ALDH5A1: variants seen among roughly 807,000 people sequenced by gnomAD.
ALDH5A1 encodes the protein succinate-semialdehyde dehydrogenase, mitochondrial.
A neutral mutation model predicts 54.7 loss-of-function variants in ALDH5A1; 33 were observed. The ratio of observed to expected loss-of-function variants is 0.60; its 90% CI spans 0.46 to 0.81. The LOEUF is 0.81. Ranked by LOEUF, ALDH5A1 falls within the 30% of genes least tolerant of loss-of-function variation. The pLI is 0.00. For missense variants in ALDH5A1, 657 were observed against 711.0 expected, an observed-to-expected ratio of 0.92 and a Z score of 0.86; for synonymous variants, 294 against 292.7, an observed-to-expected ratio of 1.00 and a Z score of -0.05.
In ALDH5A1 at chr6:24,505,003, T is replaced by C; in HGVS notation, c.726+18T>C. On this transcript the variant is annotated intron_variant, in intron 4 of 9. Transcript: ENST00000357578. ...TGGCTGAGGTGAGCCGCTCTCCCTG[T>C]GTTTGTACAAAGCAGACAAAGTTCA... is the stretch of plus-strand genomic sequence containing the variant. 6.2e-7 allele frequency: 1 copy of C among 1,611,332 alleles called. No homozygotes were observed. The highest frequency in any genetic ancestry group is 8.5e-7 in the Non-Finnish European group (1 of 1,177,482).
At chr6:24,499,442 T>C (rs936164053) in intron 1 of ALDH5A1, among the ~76,000 whole-genome samples, 1 of 149,956 alleles carries the variant, frequency 6.7e-6, no homozygotes, top group African/African-American at 2.5e-5. Context: ...TTTTAAGTGG[T>C]TTTATGTGAA....
intron 1 of ALDH5A1, among the ~76,000 whole-genome samples, chr6:24,497,289 G>A (rs1224480392): frequency 6.6e-6 from 1 of 152,086 alleles, no homozygotes; most frequent in Non-Finnish European, 1.5e-5. Flanking sequence ...TCCTCCCTGC[G>A]ATTGGCTACT....
At position 24,533,684 on chromosome 6, in the gene ALDH5A1, T is replaced by C. The variant is rs1467346651; in HGVS notation, c.1580T>C (p.Leu527Pro). 1 of 1,614,100 alleles carries C rather than the reference T, an allele frequency of 6.2e-7. No individual in the cohort carries two copies. The highest frequency in any genetic ancestry group is 1.1e-5 in the South Asian group (1 of 91,070). ...SKYGIDEYLE[L>P]KYVCYGGL is the part of the protein sequence containing the mutation. ...TATGGCATTGATGAGTATCTGGAAC[T>C]CAAGTATGTGTGTTACGGGGGCTTG... is the stretch of plus-strand genomic sequence containing the variant. Residue 527 changes from leucine (L) to proline (P), a missense_variant, in exon 10 of 10, where the codon CTC (leucine) becomes CCC (proline). Coordinates refer to ENST00000357578, the MANE Select transcript of ALDH5A1 (RefSeq NM_001080.3).
rs537927919 is a variant in ALDH5A1, at chr6:24,524,973, A to T, written c.1173+2048A>T. 3.0e-4 allele frequency among the ~76,000 whole-genome samples: 45 copies of T among 152,314 alleles called. 1 individual carries two copies. The South Asian group carries it at 3.5e-3, about 12-fold the overall frequency. Reference sequence around the variant, plus strand: ...CTCTGTCTTGAAGATTTTTTTCCCCAAAGGGAAGACGCAGACATTGTCCTC... The same window carrying T: ...CTCTGTCTTGAAGATTTTTTTCCCCTAAGGGAAGACGCAGACATTGTCCTC... On this transcript the variant is annotated intron_variant, in intron 7 of 9. Coordinates refer to ENST00000357578, the MANE Select transcript of ALDH5A1 (RefSeq NM_001080.3).
chr6:24,496,847 C>G (rs1183699225), intron 1 of ALDH5A1, among the ~76,000 whole-genome samples: 2 of 152,030 alleles, frequency 1.3e-5, no homozygotes, highest in Non-Finnish European at 2.9e-5. Context: ...TTTTAAAGAC[C>G]CTATTTCCAA....
rs150171860 is a variant in ALDH5A1 at position 24,499,454 on chromosome 6, G to T, written c.355-3069G>T. On this transcript the variant is annotated intron_variant, in intron 1 of 9. Coordinates refer to ENST00000357578, the MANE Select transcript of ALDH5A1 (RefSeq NM_001080.3). The stretch of plus-strand genomic sequence containing the variant: ...TTTTTTTAAGTGGTTTTATGTGAAT[G>T]AATTAATTTTTTTTTTAATAAGCCA... Among the ~76,000 whole-genome samples the T allele has an allele frequency of 3.0e-3, 413 of 136,074 alleles. 1 individual carries two copies. The highest frequency in any genetic ancestry group is 0.022 in the East Asian group (110 of 5,004). The allele number at this position is 136,074 out of a possible 152,430, so 89.3% of individuals were successfully genotyped here.
In ALDH5A1 at chr6:24,505,020, C is replaced by T. The variant is rs199978405; in HGVS notation, c.726+35C>T. 8.7e-6 allele frequency: 14 copies of T among 1,604,014 alleles called. No homozygotes were observed. In the Admixed American group the frequency reaches 2.0e-4, roughly 23 times the overall value. On this transcript the variant is annotated intron_variant, in intron 4 of 9. Transcript: ENST00000357578. ...TCTCCCTGTGTTTGTACAAAGCAGA[C>T]AAAGTTCAAAAATTGATGTTTATCT...
At chr6:24,508,978 GTTAAT>G (rs1397605412) in intron 4 of ALDH5A1, among the ~76,000 whole-genome samples, 1 of 152,034 alleles carries the variant, frequency 6.6e-6, no homozygotes, top group African/African-American at 2.4e-5. Context: ...TTTCTTTGTT[GTTAAT>G]TTGTTTGAGT....
chr6:24,526,876 C>CTA (rs71686753), intron 7 of ALDH5A1, among the ~76,000 whole-genome samples: 12,902 of 120,374 alleles, frequency 0.11, 1,475 homozygotes, highest in African/African-American at 0.31. Flanking sequence ...TATATATCTT[C>CTA]TATATATATA....
At position 24,495,260 on chromosome 6, in the gene ALDH5A1, C is replaced by T. The variant is rs759932020; in HGVS notation, c.264C>T (p.Gly88=). ...VQDPASGAAL[G]MVADCGVREA... ...ACCCGGCCAGCGGCGCCGCTCTGGG[C>T]ATGGTAGCCGACTGCGGGGTGCGAG... The change falls in exon 1 of 10, where the codon GGC becomes GGT. Residue 88 remains glycine, a synonymous_variant. Transcript: ENST00000357578. 76 of 1,532,268 alleles carry T rather than the reference C, an allele frequency of 5.0e-5. No homozygotes were observed. The highest frequency in any genetic ancestry group is 2.2e-4 in the Middle Eastern group (1 of 4,544). 94.9% of individuals were successfully genotyped at this position (1,532,268 alleles called of 1,614,324 possible).
intron 8 of ALDH5A1, among the ~76,000 whole-genome samples, chr6:24,529,023 T>C (rs1436423707): frequency 3.3e-5 from 5 of 152,170 alleles, no homozygotes; most frequent in Non-Finnish European, 1.5e-5. Flanking sequence ...AAGGATTCTT[T>C]CATTGGCCTC....
rs1417067364 is a variant in ALDH5A1 at position 24,495,226 on chromosome 6, C to T, written c.230C>T (p.Pro77Leu). Residue 77 changes from proline (P) to leucine (L), a missense_variant, in exon 1 of 10, where the codon CCC becomes CTC. Pro to Leu is a moderately conservative substitution (Grantham distance 98, BLOSUM62 -3). Coordinates refer to ENST00000357578, the MANE Select transcript of ALDH5A1 (RefSeq NM_001080.3). The stretch of plus-strand genomic sequence containing the variant: ...TGGCTCCCGGCCGCCGCCACCTTCC[C>T]CGTGCAAGACCCGGCCAGCGGCGCC... ...GRWLPAAATF[P>L]VQDPASGAAL... The T allele has an allele frequency of 3.3e-6, 5 of 1,514,072 alleles. No homozygotes were observed. The South Asian group carries it at 3.7e-5, about 11-fold the overall frequency. 93.8% of individuals were successfully genotyped at this position (1,514,072 alleles called of 1,614,324 possible). A position where few individuals can be genotyped will look rare whatever the true frequency, so the allele number is the denominator to read the frequency against.
In ALDH5A1 at chr6:24,495,085, G is replaced by GCCTGGTCCCTGCCTCCGGGCCTGCGC; in HGVS notation, c.92_117dup (p.Gly40TrpfsTer60). 7.6e-7 allele frequency: 1 copy of GCCTGGTCCCTGCCTCCGGGCCTGCGC among 1,324,414 alleles called. No homozygotes were observed. Among genetic ancestry groups the GCCTGGTCCCTGCCTCCGGGCCTGCGC allele is most frequent in the Non-Finnish European group, 9.6e-7 (1 of 1,040,216 alleles). 82.0% of individuals were successfully genotyped at this position (1,324,414 alleles called of 1,614,324 possible). On this transcript the variant is annotated frameshift_variant, in exon 1 of 10. Coordinates refer to ENST00000357578, the MANE Select transcript of ALDH5A1 (RefSeq NM_001080.3). LOFTEE classifies it high-confidence loss of function. ...TGCCGCCTCCGCCCCCGCGCCGGCG[G>GCCTGGTCCCTGCCTCCGGGCCTGCGC]CCTGGTCCCTGCCTCCGGGCCTGCG...
chr6:24,505,078 C>G, intron 4 of ALDH5A1, 93 bp downstream of exon 4: 1 of 1,296,414 alleles, frequency 7.7e-7, no homozygotes, highest in East Asian at 2.3e-5. Context: ...GAGCCTACTT[C>G]TTTGCTTACG....
chr6:24,520,966 G>A (rs1219061037), intron 6 of ALDH5A1, among the ~76,000 whole-genome samples: 1 of 152,076 alleles, frequency 6.6e-6, no homozygotes, highest in African/African-American at 2.4e-5. Context: ...TCTACTGAAC[G>A]GATATAATCT....
intron 7 of ALDH5A1, among the ~76,000 whole-genome samples, chr6:24,525,217 T>C (rs79732030): frequency 1.2e-4 from 18 of 151,952 alleles, no homozygotes; most frequent in African/African-American, 4.3e-4. Flanking sequence ...AGGAAGGGGG[T>C]ATTTTTGTTA....
Position 24,509,102 on chromosome 6 carries a change from CA to C in ALDH5A1, c.726+4121del, listed in dbSNP as rs1356138591. Among the ~76,000 whole-genome samples the C allele has an allele frequency of 2.5e-5, 3 of 120,326 alleles. No homozygotes were observed. The highest frequency in any genetic ancestry group is 6.1e-5 in the Non-Finnish European group (3 of 49,462). The allele number at this position is 120,326 out of a possible 152,430, so 78.9% of individuals were successfully genotyped here. A position where few individuals can be genotyped will look rare whatever the true frequency, so the allele number is the denominator to read the frequency against. ...TCTGCTGACTGTTCCTTTTGCCATG[CA>C]AAAGCTCTTTAGTTTATTTAAGTCC... On this transcript the variant is annotated intron_variant, in intron 4 of 9. Transcript: ENST00000357578. The surrounding 1 kb of genome is among the most constrained non-coding windows in gnomAD (Gnocchi z 4.7).
intron 8 of ALDH5A1, among the ~76,000 whole-genome samples, chr6:24,528,584 G>A (rs1476900856): frequency 6.6e-6 from 1 of 151,874 alleles, no homozygotes; most frequent in East Asian, 1.9e-4. Flanking sequence ...GGCTGGTCTC[G>A]AACTCCTGAC....
intron 1 of ALDH5A1, among the ~76,000 whole-genome samples, chr6:24,500,047 A>T (rs1034326185): frequency 6.6e-6 from 1 of 151,382 alleles, no homozygotes; most frequent in Non-Finnish European, 1.5e-5. Flanking sequence ...GCCACAAGCA[A>T]CCCTCCCTCC....
Sources: allele counts gnomAD v4.1 joint callset (sites outside exome capture counted in the v4.1 genomes callset), GRCh38; gene constraint gnomAD v4.1.1; non-coding constraint Gnocchi (gnomAD v3.1); transcripts MANE v1.5; gene names NCBI Gene and HGNC (gene_info 2026-07-23, HGNC 2026-07-21).